The following ZNF143 variants were observed in gnomAD, a reference collection of about 807,000 sequenced individuals.
The protein encoded by ZNF143 is SPH-binding factor.
ZNF143 carries 49 observed loss-of-function variants against 74.1 expected under a neutral mutation model. The ratio of observed to expected loss-of-function variants is 0.66; its 90% CI spans 0.53 to 0.84. The LOEUF is 0.84. Ranked by LOEUF, ZNF143 falls within the 40% of genes least tolerant of loss-of-function variation. The pLI is 0.00. For synonymous variants in ZNF143, 304 were observed against 282.8 expected (o/e 1.07, Z -0.75); for missense variants, 637 against 793.4 (o/e 0.80, Z 2.37).
At chr11:9,474,980 T>A (rs1472377723) in intron 5 of ZNF143, among the ~76,000 whole-genome samples, 1 of 152,148 alleles carries the variant, frequency 6.6e-6, no homozygotes. Flanking sequence ...CTCAAACTCC[T>A]GGGCTCAGGG....
chr11:9,486,363 T>TATATATAATATATTATATATAA (rs1491555379), intron 7 of ZNF143, among the ~76,000 whole-genome samples: 1 of 41,252 alleles, frequency 2.4e-5, no homozygotes, highest in African/African-American at 1.1e-4. Context: ...TATATATATA[T>TATATATAATATATTATATATAA]TATATATAAT....
rs767624937 is a variant in ZNF143 at position 9,474,556 on chromosome 11, A to G, written c.296A>G (p.Asp99Gly). The G allele has an allele frequency of 1.2e-6, 2 of 1,614,128 alleles. No individual in the cohort carries two copies. Among genetic ancestry groups the G allele is most frequent in the Non-Finnish European group, 1.7e-6 (2 of 1,180,010 alleles). The change falls in exon 5 of 16, where the codon GAC becomes GGC. Residue 99 changes from aspartate (D) to glycine (G), a missense_variant. By Grantham distance (94) the Asp-to-Gly change is moderately conservative. This residue lies in a region of ZNF143 where 293 missense variants were observed against 307.8 expected (regional missense o/e 0.95). Coordinates refer to ENST00000396602, the MANE Select transcript of ZNF143 (RefSeq NM_003442.6). Reference protein sequence around the residue: ...QHVPIPKSTGDSLRLEDGQAV... With the variant: ...QHVPIPKSTGGSLRLEDGQAV... Reference sequence around the variant, plus strand: ...TGTAAGCATTGTTCTTGAGCAGGGGACAGTTTGCGTCTAGAGGATGGTCAA... The same window carrying G: ...TGTAAGCATTGTTCTTGAGCAGGGGGCAGTTTGCGTCTAGAGGATGGTCAA...
chr11:9,470,440 T>C (rs1856500665), intron 1 of ZNF143, among the ~76,000 whole-genome samples: 1 of 151,892 alleles, frequency 6.6e-6, no homozygotes, highest in Non-Finnish European at 1.5e-5. Flanking sequence ...AGTTGGGAGG[T>C]GCAGTTTGAA....
rs367943589 is a variant in ZNF143, at chr11:9,471,458, T to C, written c.112+38T>C. 178 of 1,442,714 alleles carry C rather than the reference T, an allele frequency of 1.2e-4. 1 individual carries two copies. In the Admixed American group the frequency reaches 3.5e-3, roughly 29 times the overall value. 89.4% of individuals were successfully genotyped at this position (1,442,714 alleles called of 1,614,324 possible). A position where few individuals can be genotyped will look rare whatever the true frequency, so the allele number is the denominator to read the frequency against. On this transcript the variant is annotated intron_variant, in intron 2 of 15. Coordinates refer to ENST00000396602, the MANE Select transcript of ZNF143 (RefSeq NM_003442.6). ...GTTTGAAGGGATGCGTTTGAAAATATCATTTATCTTAAAAGAAAAAAAATT... is the reference window on the plus strand; with the variant it reads ...GTTTGAAGGGATGCGTTTGAAAATACCATTTATCTTAAAAGAAAAAAAATT...
At chr11:9,485,596 C>T (rs1369194097) in intron 7 of ZNF143, among the ~76,000 whole-genome samples, 1 of 151,450 alleles carries the variant, frequency 6.6e-6, no homozygotes, top group Non-Finnish European at 1.5e-5. Flanking sequence ...ATCCACCTGG[C>T]TTGGCCTCCC....
chr11:9,468,962 CA>C (rs757480480), intron 1 of ZNF143, among the ~76,000 whole-genome samples: 6 of 151,656 alleles, frequency 4.0e-5, no homozygotes, highest in Admixed American at 6.6e-5. Flanking sequence ...GGTGAAACCC[CA>C]CCTCTACTAA....
At chr11:9,506,150 G>A (rs535836755) in intron 11 of ZNF143, among the ~76,000 whole-genome samples, 2 of 152,230 alleles carry the variant, frequency 1.3e-5, no homozygotes, top group South Asian at 2.1e-4. Context: ...GGCCAACATG[G>A]CGAAACCAAT....
chr11:9,488,450 T>C (rs910213399), intron 7 of ZNF143, among the ~76,000 whole-genome samples: 2 of 152,294 alleles, frequency 1.3e-5, no homozygotes, highest in East Asian at 3.9e-4. Flanking sequence ...CATAATACTC[T>C]CATGTTGTTT....
At chr11:9,502,499 A>G (rs1027136507) in intron 11 of ZNF143, among the ~76,000 whole-genome samples, 1 of 149,394 alleles carries the variant, frequency 6.7e-6, no homozygotes, top group Admixed American at 6.7e-5. Flanking sequence ...AGTCCCAGCT[A>G]CTCCGGAGGC....
chr11:9,471,936 T>TTTTG (rs1353277191), intron 2 of ZNF143, among the ~76,000 whole-genome samples: 2 of 29,350 alleles, frequency 6.8e-5, no homozygotes, highest in Non-Finnish European at 1.8e-4. Flanking sequence ...TTTTCTTTTG[T>TTTTG]TTTTTTTTTT....
chr11:9,478,301 A>G lies in ZNF143; in HGVS notation c.374-89A>G, dbSNP rs545727285. The G allele has an allele frequency of 5.5e-4, 761 of 1,395,594 alleles. 1 individual carries two copies. The highest frequency in any genetic ancestry group is 7.2e-4 in the Non-Finnish European group (729 of 1,011,328). 86.5% of individuals were successfully genotyped at this position (1,395,594 alleles called of 1,614,324 possible). On this transcript the variant is annotated intron_variant, in intron 5 of 15. Coordinates refer to ENST00000396602, the MANE Select transcript of ZNF143 (RefSeq NM_003442.6). Reference sequence around the variant, plus strand: ...GTCCAGTACTCAGAGTAACTACTCAATAAAAGCTCATTTCTCTCTTCCTTT... The same window carrying G: ...GTCCAGTACTCAGAGTAACTACTCAGTAAAAGCTCATTTCTCTCTTCCTTT...
At chr11:9,481,742 G>A (rs939718931) in intron 7 of ZNF143, among the ~76,000 whole-genome samples, 2 of 151,556 alleles carry the variant, frequency 1.3e-5, no homozygotes, top group African/African-American at 2.4e-5. Flanking sequence ...ACAAGAATTA[G>A]TTGGGTGTGG....
chr11:9,485,800 T>A (rs1847450400), intron 7 of ZNF143, among the ~76,000 whole-genome samples: 1 of 151,558 alleles, frequency 6.6e-6, no homozygotes, highest in Admixed American at 6.6e-5. Flanking sequence ...AGAATATAGA[T>A]TATTTACATC....
intron 1 of ZNF143, among the ~76,000 whole-genome samples, chr11:9,465,229 C>G (rs11042374): frequency 0.32 from 49,380 of 152,030 alleles, 9,680 homozygotes; most frequent in Non-Finnish European, 0.44. Flanking sequence ...CTCTGTCACC[C>G]AGGCTGGAGT....
At chr11:9,474,339 G>C (rs1856759006) in intron 4 of ZNF143, among the ~76,000 whole-genome samples, 1 of 151,962 alleles carries the variant, frequency 6.6e-6, no homozygotes, top group Non-Finnish European at 1.5e-5. Flanking sequence ...TTTAATACTG[G>C]TGTATATTTC....
In ZNF143 at chr11:9,474,530, A is replaced by G. The variant is rs1257040917; in HGVS notation, c.290-20A>G. ...ATGTGCTAGAAAACATGAGATCTAA[A>G]TGTAAGCATTGTTCTTGAGCAGGGG... On this transcript the variant is annotated intron_variant, in intron 4 of 15. Transcript: ENST00000396602. 6.2e-7 allele frequency: 1 copy of G among 1,613,614 alleles called. No individual in the cohort carries two copies. Among genetic ancestry groups the G allele is most frequent in the Non-Finnish European group, 8.5e-7 (1 of 1,179,654 alleles).
At chr11:9,489,648 T>C (rs532255759) in intron 7 of ZNF143, among the ~76,000 whole-genome samples, 10 of 152,306 alleles carry the variant, frequency 6.6e-5, no homozygotes, top group African/African-American at 2.4e-4. Flanking sequence ...TGAGTCTCTC[T>C]GGAGTTATTT....
chr11:9,488,558 C>T (rs1267127232), intron 7 of ZNF143, among the ~76,000 whole-genome samples: 1 of 152,126 alleles, frequency 6.6e-6, no homozygotes, highest in Non-Finnish European at 1.5e-5. Flanking sequence ...AAATTTCACC[C>T]CTAGACAGCT....
At chr11:9,485,378 C>T (rs557773371) in intron 7 of ZNF143, among the ~76,000 whole-genome samples, 104 of 111,366 alleles carry the variant, frequency 9.3e-4, no homozygotes, top group South Asian at 5.6e-4. Flanking sequence ...TGAGAAGTCT[C>T]GCTATGTCAC....
Sources: gnomAD v4.1 joint callset for allele counts (sites outside exome capture counted in the v4.1 genomes callset) on GRCh38, gnomAD v4.1.1 for gene constraint, gnomAD v4.1.1 regional missense constraint, MANE v1.5 for transcripts, NCBI Gene and HGNC (gene_info 2026-07-23, HGNC 2026-07-21) for gene names.